The following LINGO2 variants were observed in gnomAD, a reference collection of about 807,000 sequenced individuals.
The protein encoded by LINGO2 is leucine rich repeat and Ig domain containing 2.
In LINGO2, 14 loss-of-function variants were observed where a neutral mutation model predicts 30.6. The observed-to-expected ratio is 0.46, with a 90% CI of 0.30 to 0.72. The LOEUF (loss-of-function observed/expected upper bound fraction) is 0.72. Among genes scored for constraint, LINGO2 ranks in the 30% least tolerant of loss-of-function variants. The pLI is 0.07. For synonymous variants in LINGO2, 317 were observed against 288.5 expected (o/e 1.10, Z -1.00); for missense variants, 729 against 751.7 (o/e 0.97, Z 0.35).
At chr9:28,842,413 A>G in the LINGO2 span, among the ~76,000 whole-genome samples, 1 of 151,906 alleles carries the variant, frequency 6.6e-6, no homozygotes, top group Middle Eastern at 3.2e-3. Flanking sequence ...ATTATTTCAC[A>G]TTCCTGAACA....
rs1827338432 is a variant in LINGO2, at chr9:28,129,926, T to A, written c.-86-117521A>T. ...TGAGAAATAACTAAGATCCGTGTTT[T>A]GAGCCAGAACATGTGAATCTTTGTG... is the stretch of plus-strand genomic sequence containing the variant. On this transcript the variant is annotated intron_variant, in intron 4 of 5. Coordinates refer to ENST00000379992, the Ensembl canonical transcript of LINGO2. The surrounding 1 kb of genome is among the most constrained non-coding windows in gnomAD (Gnocchi z 4.0). Among the ~76,000 whole-genome samples the A allele has an allele frequency of 6.6e-6, 1 of 152,250 alleles. No homozygotes were observed. The highest frequency in any genetic ancestry group is 2.1e-4 in the South Asian group (1 of 4,838).
At chr9:28,714,590 C>T in the LINGO2 span, among the ~76,000 whole-genome samples, 5 of 152,016 alleles carry the variant, frequency 3.3e-5, no homozygotes, top group African/African-American at 1.2e-4. Flanking sequence ...TTACTATTAA[C>T]GGCAGTCATT....
chr9:28,157,378 C>A (rs565496589), intron 4 of LINGO2, among the ~76,000 whole-genome samples: 2 of 152,310 alleles, frequency 1.3e-5, no homozygotes, highest in African/African-American at 4.8e-5. Context: ...ATGTAGGGCA[C>A]CAAGTCCCTA....
chr9:28,592,020 A>G (rs775980229), intron 1 of LINGO2, among the ~76,000 whole-genome samples: 4 of 152,088 alleles, frequency 2.6e-5, no homozygotes, highest in Non-Finnish European at 5.9e-5. Flanking sequence ...GAAGGTCTCC[A>G]TTTATTACAG....
At chr9:28,106,771 T>C (rs1826606706) in intron 4 of LINGO2, among the ~76,000 whole-genome samples, 1 of 152,180 alleles carries the variant, frequency 6.6e-6, no homozygotes, top group Non-Finnish European at 1.5e-5. Flanking sequence ...CTTTGGTTAC[T>C]TTATCTGTAA....
chr9:28,771,237 C>T, the LINGO2 span, among the ~76,000 whole-genome samples: 1 of 150,902 alleles, frequency 6.6e-6, no homozygotes, highest in Non-Finnish European at 1.5e-5. Flanking sequence ...AAATCACAAT[C>T]AATGGGAATA....
intron 4 of LINGO2, among the ~76,000 whole-genome samples, chr9:28,290,099 T>G (rs888716815): frequency 9.9e-5 from 15 of 152,166 alleles, no homozygotes; most frequent in Non-Finnish European, 2.1e-4. Context: ...GCATTACATC[T>G]TTTTTTAAGT....
At chr9:28,133,370 T>C (rs1827429131) in intron 4 of LINGO2, among the ~76,000 whole-genome samples, 1 of 152,178 alleles carries the variant, frequency 6.6e-6, no homozygotes, top group Admixed American at 6.6e-5. Context: ...GCTTCATATT[T>C]ATAATTATGG....
At chr9:28,247,187 T>C (rs571582051) in intron 4 of LINGO2, among the ~76,000 whole-genome samples, 18 of 152,362 alleles carry the variant, frequency 1.2e-4, no homozygotes, top group African/African-American at 4.3e-4. Flanking sequence ...TGGATGACAG[T>C]GTGGCGATTC....
intron 4 of LINGO2, among the ~76,000 whole-genome samples, chr9:28,227,126 G>A (rs1821196828): frequency 6.6e-6 from 1 of 151,942 alleles, no homozygotes; most frequent in African/African-American, 2.4e-5. Context: ...ATAAATCAAG[G>A]GCCATTATTA....
chr9:29,197,210 T>A, the LINGO2 span, among the ~76,000 whole-genome samples: 5 of 151,982 alleles, frequency 3.3e-5, no homozygotes, highest in African/African-American at 4.8e-5. Context: ...CTAGCATCCT[T>A]TGGAAGACAG....
At chr9:28,736,085 A>G in the LINGO2 span, among the ~76,000 whole-genome samples, 1 of 152,222 alleles carries the variant, frequency 6.6e-6, no homozygotes, top group Non-Finnish European at 1.5e-5. Context: ...TTGTCTCAGG[A>G]TAACTAGGTT....
At chr9:28,154,127 G>A (rs766686732) in intron 4 of LINGO2, among the ~76,000 whole-genome samples, 7 of 152,286 alleles carry the variant, frequency 4.6e-5, no homozygotes, top group Middle Eastern at 3.4e-3. Context: ...GCCTCTAGCT[G>A]AGGAGACTAT....
intron 3 of LINGO2, among the ~76,000 whole-genome samples, chr9:28,346,037 T>C (rs1819551765): frequency 6.6e-6 from 1 of 152,222 alleles, no homozygotes; most frequent in African/African-American, 2.4e-5. Context: ...AGATTTCTGA[T>C]TTATCAGAAA....
chr9:27,946,094 T>C (rs1823354587), downstream of LINGO2, among the ~76,000 whole-genome samples: 1 of 152,170 alleles, frequency 6.6e-6, no homozygotes, highest in South Asian at 2.1e-4. Context: ...TATGGAGCTC[T>C]AGTTTTTGAA....
chr9:28,443,961 C>T (rs1824303877), intron 2 of LINGO2, among the ~76,000 whole-genome samples: 1 of 152,138 alleles, frequency 6.6e-6, no homozygotes, highest in Non-Finnish European at 1.5e-5. Flanking sequence ...CAGTCCCACC[C>T]ATGGCTGTCC....
intron 2 of LINGO2, among the ~76,000 whole-genome samples, chr9:28,399,269 G>T (rs545915275): frequency 6.6e-6 from 1 of 152,306 alleles, no homozygotes; most frequent in African/African-American, 2.4e-5. Context: ...AACCTTAAAA[G>T]TCTGTGTAGC....
chr9:28,486,187 C>T (rs4620376), intron 1 of LINGO2, among the ~76,000 whole-genome samples: 99,774 of 151,904 alleles, frequency 0.66, 33,250 homozygotes, highest in South Asian at 0.75. Context: ...GAGTGTTGTT[C>T]ACTTCTTCTA....
chr9:29,202,511 G>A, the LINGO2 span, among the ~76,000 whole-genome samples: 1 of 151,902 alleles, frequency 6.6e-6, no homozygotes, highest in East Asian at 1.9e-4. Flanking sequence ...TCTTATACTT[G>A]ATGTATCTAT....
Sources: gnomAD v4.1 joint callset for allele counts (sites outside exome capture counted in the v4.1 genomes callset) on GRCh38, gnomAD v4.1.1 for gene constraint, Gnocchi (gnomAD v3.1) non-coding constraint, MANE v1.5 for transcripts, NCBI Gene and HGNC (gene_info 2026-07-23, HGNC 2026-07-21) for gene names.